MEDAG: variants seen among roughly 807,000 people sequenced by gnomAD.
MEDAG encodes mesenteric estrogen-dependent adipogenesis protein.
A neutral mutation model predicts 29.9 loss-of-function variants in MEDAG; 25 were observed. The observed-to-expected ratio is 0.84, with a 90% CI of 0.61 to 1.17. The LOEUF (loss-of-function observed/expected upper bound fraction) is 1.17, where lower values mean the gene tolerates loss of function less well. Ranked by LOEUF, MEDAG falls within the 50% of genes most tolerant of loss-of-function variation. The pLI, the probability that MEDAG is intolerant of heterozygous loss-of-function variation, is 0.00. For synonymous variants in MEDAG, 158 were observed against 148.2 expected (o/e 1.07, Z -0.48); for missense variants, 398 against 372.9 (o/e 1.07, Z -0.56).
chr13:30,911,155 C>T (rs1011226052), intron 1 of MEDAG, among the ~76,000 whole-genome samples: 3 of 152,150 alleles, frequency 2.0e-5, no homozygotes, highest in Non-Finnish European at 1.5e-5. Flanking sequence ...AGTAATAATA[C>T]CATTAAGCAG....
chr13:30,907,082 A>C (rs143582615), intron 1 of MEDAG, among the ~76,000 whole-genome samples: 3 of 152,230 alleles, frequency 2.0e-5, no homozygotes, highest in Non-Finnish European at 4.4e-5. Context: ...GCCAGAGCTC[A>C]TGAGTGGCAG....
chr13:30,910,767 C>T (rs898342983), intron 1 of MEDAG, among the ~76,000 whole-genome samples: 4 of 152,302 alleles, frequency 2.6e-5, no homozygotes, highest in South Asian at 4.1e-4. Context: ...TGAGGTGAAG[C>T]GGCACTCATA....
chr13:30,917,493 CA>C lies in MEDAG; in HGVS notation c.375del (p.Asp126ThrfsTer12), dbSNP rs1418142218. ...PMLFFINVQT[K>X]KDTSKERTYA... The stretch of plus-strand genomic sequence containing the variant: ...TGTTGTTCTTTATTAATGTACAGAC[CA>C]AAAAAGACACCTCAAAAGGTAAGTA... On this transcript the variant is annotated frameshift_variant, in exon 2 of 5. Transcript: ENST00000380482. LOFTEE classifies it high-confidence loss of function. 15 of 1,588,416 alleles carry C rather than the reference CA, an allele frequency of 9.4e-6. No homozygotes were observed. The highest frequency in any genetic ancestry group is 1.3e-5 in the African/African-American group (1 of 74,146).
chr13:30,920,207 G>C (rs1038066499), intron 2 of MEDAG, among the ~76,000 whole-genome samples: 8 of 152,170 alleles, frequency 5.3e-5, no homozygotes, highest in African/African-American at 1.9e-4. Flanking sequence ...AGGGGTGGAG[G>C]TGGAAAGCAT....
Position 30,921,198 on chromosome 13 carries a change from G to A in MEDAG, c.501+72G>A, listed in dbSNP as rs1364016794. 8.6e-5 allele frequency: 113 copies of A among 1,308,856 alleles called. No individual in the cohort carries two copies. In the South Asian group the frequency reaches 1.4e-3, roughly 16 times the overall value. 81.1% of individuals were successfully genotyped at this position (1,308,856 alleles called of 1,614,324 possible). ...AGCTTGTGCATTTCATGCAGGAACTGAGGCCCTATTGCCCTGGCTTAGGCC... is the reference window on the plus strand; with the variant it reads ...AGCTTGTGCATTTCATGCAGGAACTAAGGCCCTATTGCCCTGGCTTAGGCC... On this transcript the variant is annotated intron_variant, in intron 3 of 4. Coordinates refer to ENST00000380482, the MANE Select transcript of MEDAG (RefSeq NM_032849.4).
At chr13:30,909,842 G>C (rs953828919) in intron 1 of MEDAG, among the ~76,000 whole-genome samples, 1 of 152,136 alleles carries the variant, frequency 6.6e-6, no homozygotes, top group African/African-American at 2.4e-5. Context: ...CTCGCTAAGA[G>C]AGCAACAGGA....
At chr13:30,910,193 A>AACACACACACACACACACAAACACACAC in intron 1 of MEDAG, among the ~76,000 whole-genome samples, 1 of 149,274 alleles carries the variant, frequency 6.7e-6, no homozygotes, top group East Asian at 2.0e-4. Flanking sequence ...CACACACACA[A>AACACACACACACACACACAAACACACAC]ACACACACAC....
At chr13:30,917,096 T>C (rs1161645992) in intron 1 of MEDAG, among the ~76,000 whole-genome samples, 1 of 152,212 alleles carries the variant, frequency 6.6e-6, no homozygotes, top group Non-Finnish European at 1.5e-5. Flanking sequence ...AGAGCTCTTA[T>C]AGCTTCAAAT....
At chr13:30,924,014 A>G (rs1028665958) in intron 4 of MEDAG, among the ~76,000 whole-genome samples, 1 of 145,742 alleles carries the variant, frequency 6.9e-6, no homozygotes, top group African/African-American at 2.4e-5. Context: ...CCCTGCAAAA[A>G]CTGTTCTCTG....
At position 30,924,351 on chromosome 13, in the gene MEDAG, A is replaced by G. The variant is rs938936493; in HGVS notation, c.828A>G (p.Arg276=). 1 of 1,614,062 alleles carries G rather than the reference A, an allele frequency of 6.2e-7. No individual in the cohort carries two copies. The highest frequency in any genetic ancestry group is 1.3e-5 in the African/African-American group (1 of 75,028). The part of the protein sequence containing the change: ...DDVFNCNLSP[R]SSLTEPLLAE... ...TTTTTAACTGCAATCTGTCACCCAG[A>G]TCATCTCTGACAGAGCCTCTTTTGG... Residue 276 remains arginine (R), a synonymous_variant, in exon 5 of 5, where the codon AGA becomes AGG. Transcript: ENST00000380482.
intron 4 of MEDAG, chr13:30,922,518 T>C (rs1052507061): frequency 2.6e-5 from 4 of 152,254 alleles, no homozygotes; most frequent in Non-Finnish European, 5.9e-5. Context: ...CCTCCCAAAG[T>C]GCTGGGATTA....
Position 30,924,354 on chromosome 13 carries a change from A to G in MEDAG, c.831A>G (p.Ser277=). The change falls in exon 5 of 5, where the codon TCA becomes TCG. Residue 277 remains serine, a synonymous_variant. Transcript: ENST00000380482. The part of the protein sequence containing the change: ...DVFNCNLSPR[S]SLTEPLLAEL... ...TTAACTGCAATCTGTCACCCAGATC[A>G]TCTCTGACAGAGCCTCTTTTGGCAG... is the stretch of plus-strand genomic sequence containing the variant. 1 of 1,614,062 alleles carries G rather than the reference A, an allele frequency of 6.2e-7. No homozygotes were observed. Among genetic ancestry groups the G allele is most frequent in the Non-Finnish European group, 8.5e-7 (1 of 1,179,962 alleles).
Position 30,906,553 on chromosome 13 carries a change from G to A in MEDAG, c.38G>A (p.Ser13Asn), listed in dbSNP as rs758899551. 3 of 1,564,954 alleles carry A rather than the reference G, an allele frequency of 1.9e-6. No homozygotes were observed. Among genetic ancestry groups the A allele is most frequent in the East Asian group, 4.8e-5 (2 of 41,368 alleles). ...GCCTGCGAGCCGGTGGCCAGGCCGA[G>A]CCTGACCTCCATCTCGTCTGGGGAG... ...GAACEPVARPSLTSISSGELR... is the reference protein window; with the variant it reads ...GAACEPVARPNLTSISSGELR... Residue 13 changes from serine (S) to asparagine (N), a missense_variant, in exon 1 of 5, where the codon AGC becomes AAC. Coordinates refer to ENST00000380482, the MANE Select transcript of MEDAG (RefSeq NM_032849.4).
At chr13:30,921,521 T>G (rs370922173) in intron 3 of MEDAG, 40 bp from the exon 4 acceptor site, 3 of 1,548,210 alleles carry the variant, frequency 1.9e-6, no homozygotes, top group African/African-American at 2.8e-5. Context: ...ACAGGATACT[T>G]ATGTCCATTA....
intron 2 of MEDAG, among the ~76,000 whole-genome samples, chr13:30,918,180 A>G (rs542455637): frequency 6.6e-6 from 1 of 152,350 alleles, no homozygotes; most frequent in South Asian, 2.1e-4. Context: ...TAGAGTGATG[A>G]GGATGATATA....
intron 4 of MEDAG, 23 bp downstream of exon 4, chr13:30,921,869 T>C: frequency 1.3e-6 from 2 of 1,574,268 alleles, no homozygotes; most frequent in South Asian, 2.4e-5. Context: ...TTCCGAAGGA[T>C]ATGTGGAAGG....
intron 1 of MEDAG, among the ~76,000 whole-genome samples, chr13:30,909,299 T>C (rs989931708): frequency 2.0e-5 from 3 of 152,020 alleles, no homozygotes; most frequent in Admixed American, 6.6e-5. Context: ...GGCCAGGCAG[T>C]TGGTGGGGAT....
At chr13:30,910,746 G>C (rs1177848276) in intron 1 of MEDAG, among the ~76,000 whole-genome samples, 2 of 152,236 alleles carry the variant, frequency 1.3e-5, no homozygotes, top group Non-Finnish European at 2.9e-5. Flanking sequence ...ACTCAGGGCG[G>C]AGAATGCAGG....
At chr13:30,921,875 G>A in intron 4 of MEDAG, 29 bp downstream of exon 4, 2 of 1,561,104 alleles carry the variant, frequency 1.3e-6, no homozygotes, top group Non-Finnish European at 1.7e-6. Context: ...AGGATATGTG[G>A]AAGGTAGTTA....
Sources: gnomAD v4.1 joint callset for allele counts (sites outside exome capture counted in the v4.1 genomes callset) on GRCh38, gnomAD v4.1.1 for gene constraint, MANE v1.5 for transcripts, NCBI Gene and HGNC (gene_info 2026-07-23, HGNC 2026-07-21) for gene names.